The following PDE4C variants were observed in gnomAD, a reference collection of about 807,000 sequenced individuals.
PDE4C encodes 3',5'-cyclic-AMP phosphodiesterase 4C.
In PDE4C, 50 loss-of-function variants were observed where a neutral mutation model predicts 63.9. The observed-to-expected ratio is 0.78, with a 90% CI of 0.62 to 0.99. The LOEUF is 0.99. PDE4C is among the 50% of genes least tolerant of loss of function. PDE4C has a pLI of 0.00. For missense variants in PDE4C, 777 were observed against 899.1 expected (o/e 0.86, Z 1.74); for synonymous variants, 377 against 385.1 (o/e 0.98, Z 0.25).
exon 12 of PDE4C, chr19:18,216,864 G>A (rs955286269): frequency 6.2e-7 from 1 of 1,614,040 alleles, no homozygotes; most frequent in Non-Finnish European, 8.5e-7. Context: ...CCAGCACCGA[G>A]GCGTCGTTGT....
intron 12 of PDE4C, 31 bp downstream of exon 12, chr19:18,216,710 C>T (rs907439894): frequency 6.4e-7 from 1 of 1,557,080 alleles, no homozygotes; most frequent in South Asian, 1.2e-5. Context: ...CCCCTCTGCC[C>T]CTCCCGCCCC....
chr19:18,243,099 G>C (rs1030169104), intron 1 of PDE4C, among the ~76,000 whole-genome samples: 1 of 152,044 alleles, frequency 6.6e-6, no homozygotes, highest in South Asian at 2.1e-4. Flanking sequence ...AGATTCAAGG[G>C]TGACTGGTGA....
chr19:18,240,046 C>A (rs1969011439), intron 1 of PDE4C, among the ~76,000 whole-genome samples: 1 of 151,896 alleles, frequency 6.6e-6, no homozygotes, highest in Non-Finnish European at 1.5e-5. Flanking sequence ...TCACTGCAAC[C>A]TCTGCCTCCT....
intron 1 of PDE4C, among the ~76,000 whole-genome samples, chr19:18,241,513 C>T (rs946340599): frequency 6.6e-6 from 1 of 151,750 alleles, no homozygotes; most frequent in Non-Finnish European, 1.5e-5. Context: ...ATGATCTGCC[C>T]GCCTCGGCCT....
chr19:18,251,122 TAG>T (rs1719970771), upstream of PDE4C, among the ~76,000 whole-genome samples: 5 of 140,728 alleles, frequency 3.6e-5, no homozygotes, highest in African/African-American at 1.3e-4. Flanking sequence ...ATTTTTGAGA[TAG>T]AGTCTTTTTT....
chr19:18,211,689 G>T (rs531367519), intron 14 of PDE4C, 70 bp downstream of exon 14: 2 of 1,559,954 alleles, frequency 1.3e-6, no homozygotes, highest in Non-Finnish European at 1.8e-6. Flanking sequence ...ACCAGGGCTC[G>T]TGGGGTTGGC....
At chr19:18,247,306 T>G (rs1969149489) in intron 1 of PDE4C, among the ~76,000 whole-genome samples, 2 of 152,012 alleles carry the variant, frequency 1.3e-5, no homozygotes, top group Non-Finnish European at 2.9e-5. Context: ...CTTTTTTTTT[T>G]GGTGGTGGGG....
At chr19:18,224,090 T>C (rs1346471802) in intron 1 of PDE4C, 2 of 548,198 alleles carry the variant, frequency 3.6e-6, no homozygotes, top group Non-Finnish European at 4.6e-6. Flanking sequence ...CCGTGCTTTC[T>C]GCCCGGCCCA....
rs901778043 is a variant in PDE4C at position 18,220,965 on chromosome 19, C to T, written c.450-42G>A. 2 of 1,576,378 alleles carry T rather than the reference C, an allele frequency of 1.3e-6. No homozygotes were observed. The highest frequency in any genetic ancestry group is 2.3e-5 in the South Asian group (2 of 86,194). ...TCAGGCGTGGCTGCTCCGCCCATCTCGCCCCGCCCCCAAGTCCACCAGGCC... is the reference window on the plus strand; with the variant it reads ...TCAGGCGTGGCTGCTCCGCCCATCTTGCCCCGCCCCCAAGTCCACCAGGCC... On this transcript the variant is annotated intron_variant, in intron 4 of 14. Coordinates refer to ENST00000262805, the Ensembl canonical transcript of PDE4C. The surrounding 1 kb of genome is among the most constrained non-coding windows in gnomAD (Gnocchi z 5.1).
At chr19:18,233,883 G>C (rs1490386631), upstream of PDE4C, among the ~76,000 whole-genome samples, 1 of 152,228 alleles carries the variant, frequency 6.6e-6, no homozygotes, top group African/African-American at 2.4e-5. Flanking sequence ...GTCTTCGGAG[G>C]TACGTACAGA....
At chr19:18,235,054 G>T (rs756212931), upstream of PDE4C, among the ~76,000 whole-genome samples, 1 of 152,120 alleles carries the variant, frequency 6.6e-6, no homozygotes, top group African/African-American at 2.4e-5. Context: ...CCAACTCTTG[G>T]CATCATTGCA....
intron 1 of PDE4C, among the ~76,000 whole-genome samples, chr19:18,223,129 A>C (rs560237704): frequency 2.7e-5 from 4 of 147,718 alleles, no homozygotes; most frequent in African/African-American, 1.0e-4. Flanking sequence ...TGCAACCTCC[A>C]CCTCCCGGGT....
At chr19:18,226,397 G>A (rs759643334) in exon 1 of PDE4C, 3 of 1,448,246 alleles carry the variant, frequency 2.1e-6, no homozygotes, top group Non-Finnish European at 2.7e-6. Context: ...ACCGGGGCGG[G>A]CGCGGGGGGG....
chr19:18,250,435 G>T (rs1333537255), upstream of PDE4C: 2 of 399,010 alleles, frequency 5.0e-6, no homozygotes, highest in Non-Finnish European at 8.8e-6. Context: ...CCACACTCGG[G>T]TTCCTGTGTA....
At chr19:18,246,555 G>A (rs1473667863) in intron 1 of PDE4C, among the ~76,000 whole-genome samples, 1 of 152,000 alleles carries the variant, frequency 6.6e-6, no homozygotes, top group South Asian at 2.1e-4. Context: ...ATGCAGCTAC[G>A]CCTGCCCTAG....
chr19:18,226,833 C>G (rs547905917), upstream of PDE4C, among the ~76,000 whole-genome samples: 1 of 151,982 alleles, frequency 6.6e-6, no homozygotes, highest in South Asian at 2.1e-4. Flanking sequence ...CTCGAACTCC[C>G]AGACTCAAGT....
intron 1 of PDE4C, among the ~76,000 whole-genome samples, chr19:18,246,797 T>C (rs1158677147): frequency 1.3e-5 from 2 of 152,088 alleles, no homozygotes; most frequent in Non-Finnish European, 1.5e-5. Context: ...CGTCAAGGCT[T>C]GTGCCTGTAA....
At chr19:18,236,514 C>A (rs539981692), upstream of PDE4C, among the ~76,000 whole-genome samples, 23 of 152,356 alleles carry the variant, frequency 1.5e-4, no homozygotes, top group Non-Finnish European at 2.8e-4. Context: ...TCAGCCACCA[C>A]AACCAGGCCC....
At position 18,220,903 on chromosome 19, in the gene PDE4C, G is replaced by C; in HGVS notation, c.470C>G (p.Pro157Arg). 6.2e-7 allele frequency: 1 copy of C among 1,607,870 alleles called. No individual in the cohort carries two copies. Among genetic ancestry groups the C allele is most frequent in the Non-Finnish European group, 8.5e-7 (1 of 1,178,070 alleles). Reference sequence around the variant, plus strand: ...AGGAGGGAGCTGATTGCTGGATGAAGGGTTTCCGACGGGTCCCTGCCTGCG... The same window carrying C: ...AGGAGGGAGCTGATTGCTGGATGAACGGTTTCCGACGGGTCCCTGCCTGCG... Residue 157 changes from proline to arginine, a missense_variant, in exon 5 of 15, where the codon CCT (proline) becomes CGT (arginine). Around this residue, in one of 3 missense-constraint regions of PDE4C, gnomAD observed 249 missense variants for 247.8 expected, o/e 1.00. Coordinates refer to ENST00000262805, the Ensembl canonical transcript of PDE4C. This position sits in a 1 kb window ranked among gnomAD's most constrained non-coding sequence, Gnocchi z 5.1.
Sources: gnomAD v4.1 joint callset for allele counts (sites outside exome capture counted in the v4.1 genomes callset) on GRCh38, gnomAD v4.1.1 for gene constraint, gnomAD v4.1.1 regional missense constraint, Gnocchi (gnomAD v3.1) non-coding constraint, MANE v1.5 for transcripts, NCBI Gene and HGNC (gene_info 2026-07-23, HGNC 2026-07-21) for gene names.